NKAIN2: variants seen among roughly 807,000 people sequenced by gnomAD.
The protein encoded by NKAIN2 is sodium/potassium transporting ATPase interacting 2, also known as sodium/potassium-transporting ATPase subunit beta-1-interacting protein 2.
Under a neutral mutation model 32.6 loss-of-function variants are expected in NKAIN2, and 14 were observed. The observed-to-expected ratio is 0.43, with a 90% confidence interval of 0.28 to 0.67. The LOEUF (loss-of-function observed/expected upper bound fraction) is 0.67. Ranked by LOEUF, NKAIN2 falls within the 30% of genes least tolerant of loss-of-function variation. The pLI, the probability that NKAIN2 is intolerant of heterozygous loss-of-function variation, is 0.17. For synonymous variants in NKAIN2, 80 were observed against 87.2 expected (o/e 0.92, Z 0.46); for missense variants, 198 against 258.3 (o/e 0.77, Z 1.60).
chr6:124,344,027 T>C (rs1214831879), intron 2 of NKAIN2, among the ~76,000 whole-genome samples: 6 of 152,166 alleles, frequency 3.9e-5, no homozygotes, highest in African/African-American at 1.2e-4. Flanking sequence ...AAGGAAGGCA[T>C]CCAGTTTCAG....
chr6:123,814,084 T>C (rs1427153016), intron 1 of NKAIN2, among the ~76,000 whole-genome samples: 1 of 152,170 alleles, frequency 6.6e-6, no homozygotes, highest in Non-Finnish European at 1.5e-5. Flanking sequence ...TGTTCAGTAG[T>C]ATTTATGAGT....
chr6:123,908,449 G>A (rs532124054), intron 1 of NKAIN2, among the ~76,000 whole-genome samples: 1 of 152,192 alleles, frequency 6.6e-6, no homozygotes, highest in South Asian at 2.1e-4. Context: ...CTATTTTTAA[G>A]CTTTTTCAAA....
intron 2 of NKAIN2, among the ~76,000 whole-genome samples, chr6:124,286,024 C>T (rs1280667125): frequency 6.6e-6 from 1 of 151,908 alleles, no homozygotes; most frequent in African/African-American, 2.4e-5. Context: ...AATATTTTTA[C>T]ATTATAAAAT....
At chr6:124,236,893 A>C (rs1792797875) in intron 1 of NKAIN2, among the ~76,000 whole-genome samples, 1 of 152,182 alleles carries the variant, frequency 6.6e-6, no homozygotes, top group South Asian at 2.1e-4. Flanking sequence ...TGCTTTTAAA[A>C]GATTCCTCTG....
intron 5 of NKAIN2, among the ~76,000 whole-genome samples, chr6:124,814,010 G>T (rs994604491): frequency 6.6e-6 from 1 of 152,106 alleles, no homozygotes; most frequent in Non-Finnish European, 1.5e-5. Context: ...AACAGAAAAA[G>T]ATGGTATTAT....
chr6:124,494,108 C>A (rs1409073600), intron 3 of NKAIN2, among the ~76,000 whole-genome samples: 1 of 152,084 alleles, frequency 6.6e-6, no homozygotes, highest in African/African-American at 2.4e-5. Context: ...CTTGATATAT[C>A]TGTTCCGCTA....
At chr6:123,962,322 C>T (rs2114614279) in intron 1 of NKAIN2, among the ~76,000 whole-genome samples, 1 of 152,250 alleles carries the variant, frequency 6.6e-6, no homozygotes, top group South Asian at 2.1e-4. Flanking sequence ...GAAGAAGATT[C>T]TCAAATGGAG....
intron 4 of NKAIN2, among the ~76,000 whole-genome samples, chr6:124,729,824 T>C (rs1355468486): frequency 1.3e-5 from 2 of 151,954 alleles, no homozygotes; most frequent in Non-Finnish European, 2.9e-5. Context: ...TGTCTCAGCC[T>C]AAAATCTCCT....
intron 1 of NKAIN2, among the ~76,000 whole-genome samples, chr6:124,166,250 C>T (rs1191576831): frequency 4.2e-5 from 6 of 144,180 alleles, no homozygotes; most frequent in East Asian, 2.1e-4. Context: ...TTTTGATTTG[C>T]ATTTCTCTGA....
intron 1 of NKAIN2, among the ~76,000 whole-genome samples, chr6:123,993,134 T>C (rs1291622963): frequency 6.6e-6 from 1 of 152,192 alleles, no homozygotes; most frequent in African/African-American, 2.4e-5. Flanking sequence ...ACCTACTCGA[T>C]AGTTGTACCA....
At chr6:123,996,182 T>G (rs1337419679) in intron 1 of NKAIN2, among the ~76,000 whole-genome samples, 1 of 152,140 alleles carries the variant, frequency 6.6e-6, no homozygotes, top group Non-Finnish European at 1.5e-5. Context: ...TTCCTTGCTT[T>G]CTTCTTCCTT....
chr6:124,784,877 G>C (rs2114793627), intron 4 of NKAIN2, among the ~76,000 whole-genome samples: 1 of 151,990 alleles, frequency 6.6e-6, no homozygotes, highest in African/African-American at 2.4e-5. Context: ...TCTGTTTTTG[G>C]GTTTCCTAAG....
intron 1 of NKAIN2, among the ~76,000 whole-genome samples, chr6:123,887,360 C>A (rs554022083): frequency 1.8e-4 from 27 of 152,082 alleles, no homozygotes; most frequent in African/African-American, 6.5e-4. Context: ...CACTTTATTG[C>A]GTGACTTATT....
chr6:124,823,243 A>G lies in NKAIN2; in HGVS notation c.*14A>G, dbSNP rs750273606. The G allele has an allele frequency of 2.5e-6, 4 of 1,585,536 alleles. No homozygotes were observed. Among genetic ancestry groups the G allele is most frequent in the South Asian group, 1.1e-5 (1 of 90,546 alleles). ...AGGTCAAAATAATACAGATGACTTC[A>G]GTATGTCAGCCCATGGACCTTTCAA... On this transcript the variant is annotated 3_prime_UTR_variant, in exon 7 of 7. Coordinates refer to ENST00000368417, the MANE Select transcript of NKAIN2 (RefSeq NM_001040214.3).
intron 1 of NKAIN2, among the ~76,000 whole-genome samples, chr6:124,232,952 A>G (rs772209636): frequency 4.6e-5 from 7 of 152,118 alleles, no homozygotes; most frequent in Non-Finnish European, 7.4e-5. Flanking sequence ...TGCAACCCTT[A>G]TATGCTGATT....
chr6:124,243,686 C>T lies in NKAIN2; in HGVS notation c.55-39319C>T, dbSNP rs144477971. ...ATGTGTGGAAAACTGTATGATTCCTCAGTATTTATTTGGTTTTCCCTGCAC... is the reference window on the plus strand; with the variant it reads ...ATGTGTGGAAAACTGTATGATTCCTTAGTATTTATTTGGTTTTCCCTGCAC... On this transcript the variant is annotated intron_variant, in intron 1 of 6. Transcript: ENST00000368417. Among the ~76,000 whole-genome samples, 916 of 152,066 alleles carry T rather than the reference C, an allele frequency of 6.0e-3. 7 individuals are homozygous for T. Among genetic ancestry groups the T allele is most frequent in the Non-Finnish European group, 8.3e-3 (562 of 67,976 alleles).
chr6:124,500,428 C>A (rs1429884053), intron 3 of NKAIN2, among the ~76,000 whole-genome samples: 1 of 151,944 alleles, frequency 6.6e-6, no homozygotes, highest in African/African-American at 2.4e-5. Flanking sequence ...GCTGGTGGAT[C>A]ACTTGAATCC....
At chr6:123,899,667 C>T (rs566065747) in intron 1 of NKAIN2, among the ~76,000 whole-genome samples, 32 of 152,308 alleles carry the variant, frequency 2.1e-4, no homozygotes, top group Non-Finnish European at 4.3e-4. Context: ...TAAGCAGCCC[C>T]TTCTGAAATG....
At chr6:123,828,705 A>C (rs1025431277) in intron 1 of NKAIN2, 3 of 152,070 alleles carry the variant, frequency 2.0e-5, no homozygotes, top group African/African-American at 7.3e-5. Context: ...ACTTCCTAAA[A>C]TATCTCAAAC....
Sources: allele counts gnomAD v4.1 joint callset (sites outside exome capture counted in the v4.1 genomes callset), GRCh38; gene constraint gnomAD v4.1.1; transcripts MANE v1.5; gene names NCBI Gene and HGNC (gene_info 2026-07-23, HGNC 2026-07-21).